AGPAT3: variants seen among roughly 807,000 people sequenced by gnomAD.
AGPAT3 encodes the protein 1-acylglycerol-3-phosphate O-acyltransferase 3.
AGPAT3 carries 5 observed loss-of-function variants against 47.3 expected under a neutral mutation model. The observed-to-expected ratio is 0.11, with a 90% CI of 0.06 to 0.22. The LOEUF is 0.22. AGPAT3 is among the 10% of genes least tolerant of loss of function. AGPAT3 has a pLI of 1.00. For synonymous variants in AGPAT3, 212 were observed against 208.3 expected (o/e 1.02, Z -0.15); for missense variants, 315 against 493.0 (o/e 0.64, Z 3.42).
chr21:43,914,451 A>T (rs2086687880), intron 2 of AGPAT3, among the ~76,000 whole-genome samples: 1 of 152,160 alleles, frequency 6.6e-6, no homozygotes, highest in South Asian at 2.1e-4. Flanking sequence ...GTTAGAGGTA[A>T]ATTTTAAAAA....
Position 43,930,674 on chromosome 21 carries a change from G to A in AGPAT3, c.-49+26655G>A, listed in dbSNP as rs946715014. Among the ~76,000 whole-genome samples, 9 of 152,154 alleles carry A rather than the reference G, an allele frequency of 5.9e-5. No individual in the cohort carries two copies. Among genetic ancestry groups the A allele is most frequent in the African/African-American group, 2.4e-5 (1 of 41,448 alleles). ...GATGAGGGGAAGGCGGGGATGAGGTGGGGGTGCACACCTGGGCTGAGGGGA... is the reference window on the plus strand; with the variant it reads ...GATGAGGGGAAGGCGGGGATGAGGTAGGGGTGCACACCTGGGCTGAGGGGA... On this transcript the variant is annotated intron_variant, in intron 2 of 9. Coordinates refer to ENST00000291572, the MANE Select transcript of AGPAT3 (RefSeq NM_020132.5). The surrounding 1 kb of genome is among the most constrained non-coding windows in gnomAD (Gnocchi z 5.0).
At chr21:43,886,733 T>C (rs2085987102) in intron 1 of AGPAT3, among the ~76,000 whole-genome samples, 1 of 152,218 alleles carries the variant, frequency 6.6e-6, no homozygotes, top group Non-Finnish European at 1.5e-5. Context: ...GCACTTAATA[T>C]AATGAGCTCC....
In AGPAT3 at chr21:43,956,147, G is replaced by A. The variant is rs1309648134; in HGVS notation, c.-48-3487G>A. Among the ~76,000 whole-genome samples the A allele has an allele frequency of 3.7e-4, 57 of 152,108 alleles. 1 individual carries two copies. The highest frequency in any genetic ancestry group is 3.3e-3 in the Admixed American group (51 of 15,272). ...GGGGCCAGGTGATGGGCTGCAGGGCGGCCCCCACCCTGTACAACTCAGGAT... is the reference window on the plus strand; with the variant it reads ...GGGGCCAGGTGATGGGCTGCAGGGCAGCCCCCACCCTGTACAACTCAGGAT... On this transcript the variant is annotated intron_variant, in intron 2 of 9. Transcript: ENST00000291572.
At position 43,871,132 on chromosome 21, in the gene AGPAT3, G is replaced by C. The variant is rs376311916; in HGVS notation, c.-112+5787G>C. Among the ~76,000 whole-genome samples, 2 of 152,216 alleles carry C rather than the reference G, an allele frequency of 1.3e-5. 1 individual carries two copies. Among genetic ancestry groups the C allele is most frequent in the South Asian group, 4.1e-4 (2 of 4,832 alleles). On this transcript the variant is annotated intron_variant, in intron 1 of 9. Transcript: ENST00000291572. The stretch of plus-strand genomic sequence containing the variant: ...GGGCTACTGTTTTTACAGTCTCTGG[G>C]CTACAGTATTTATTTCTTGAAACAA...
intron 2 of AGPAT3, among the ~76,000 whole-genome samples, chr21:43,938,560 C>CTGGG (rs1045847578): frequency 3.9e-5 from 6 of 152,244 alleles, no homozygotes; most frequent in Admixed American, 3.3e-4. Flanking sequence ...TCCCACAGTG[C>CTGGG]TGGGATTACA....
intron 7 of AGPAT3, among the ~76,000 whole-genome samples, chr21:43,975,403 T>A (rs1283908223): frequency 6.6e-6 from 1 of 151,794 alleles, no homozygotes; most frequent in African/African-American, 2.4e-5. Flanking sequence ...CACTGGTGTG[T>A]GGTGGGTGCT....
chr21:43,967,954 A>T lies in AGPAT3; in HGVS notation c.187A>T (p.Met63Leu). Reference protein sequence around the residue: ...LAYSLWSQLVMLLEWWSCTEC... With the variant: ...LAYSLWSQLVLLLEWWSCTEC... ...CCTCCCCCTGTCCGCAGAACTGGTC[A>T]TGCTGCTGGAGTGGTGGTCCTGCAC... The change falls in exon 4 of 10, where the codon ATG becomes TTG. Residue 63 changes from methionine (M) to leucine (L), a missense_variant. By Grantham distance (15) the Met-to-Leu change is conservative. Coordinates refer to ENST00000291572, the MANE Select transcript of AGPAT3 (RefSeq NM_020132.5). 6.2e-7 allele frequency: 1 copy of T among 1,613,982 alleles called. No individual in the cohort carries two copies. The highest frequency in any genetic ancestry group is 8.5e-7 in the Non-Finnish European group (1 of 1,179,948).
At chr21:43,947,196 T>C (rs1041569130) in intron 2 of AGPAT3, 1 of 152,436 alleles carries the variant, frequency 6.6e-6, no homozygotes, top group Non-Finnish European at 1.5e-5. Flanking sequence ...GTTTGCAGTT[T>C]ACACTGGCAG....
chr21:43,887,686 G>C (rs892868743), intron 1 of AGPAT3, among the ~76,000 whole-genome samples: 1 of 152,144 alleles, frequency 6.6e-6, no homozygotes, highest in Admixed American at 6.5e-5. Flanking sequence ...ACAGAGTTTC[G>C]CTCTGTCACG....
In AGPAT3 at chr21:43,934,395, A is replaced by G. The variant is rs1348736488; in HGVS notation, c.-48-25239A>G. Reference sequence around the variant, plus strand: ...CATAAGAGGCCACAGAGGCTCCGCAAGTCCCCAGGCCGTCGGCTGCCTGGC... The same window carrying G: ...CATAAGAGGCCACAGAGGCTCCGCAGGTCCCCAGGCCGTCGGCTGCCTGGC... On this transcript the variant is annotated intron_variant, in intron 2 of 9. Coordinates refer to ENST00000291572, the MANE Select transcript of AGPAT3 (RefSeq NM_020132.5). This position sits in a 1 kb window ranked among gnomAD's most constrained non-coding sequence, Gnocchi z 4.7. Among the ~76,000 whole-genome samples, 1 of 152,262 alleles carries G rather than the reference A, an allele frequency of 6.6e-6. No homozygotes were observed. The highest frequency in any genetic ancestry group is 1.5e-5 in the Non-Finnish European group (1 of 68,046).
chr21:43,962,204 GT>G (rs910386589), intron 3 of AGPAT3, among the ~76,000 whole-genome samples: 1 of 151,976 alleles, frequency 6.6e-6, no homozygotes, highest in Non-Finnish European at 1.5e-5. Context: ...GGGTTTCACT[GT>G]GTTAGCCAGG....
At chr21:43,971,772 G>A (rs1379955384) in intron 7 of AGPAT3, among the ~76,000 whole-genome samples, 1 of 152,240 alleles carries the variant, frequency 6.6e-6, no homozygotes, top group African/African-American at 2.4e-5. Flanking sequence ...TCATTCCTTT[G>A]GGGAAATCAT....
rs1221154214 is a variant in AGPAT3 at position 43,981,719 on chromosome 21, G to A, written c.1042+532G>A. Among the ~76,000 whole-genome samples the A allele has an allele frequency of 6.6e-6, 1 of 151,978 alleles. No individual in the cohort carries two copies. Among genetic ancestry groups the A allele is most frequent in the Non-Finnish European group, 1.5e-5 (1 of 67,984 alleles). On this transcript the variant is annotated intron_variant, in intron 9 of 9. Coordinates refer to ENST00000291572, the MANE Select transcript of AGPAT3 (RefSeq NM_020132.5). The surrounding 1 kb of genome is among the most constrained non-coding windows in gnomAD (Gnocchi z 5.3). ...GCGCCCACCCACACCCCGTAATTGAGGGGTCTCTGTCCGTGGAGACACAGT... is the reference window on the plus strand; with the variant it reads ...GCGCCCACCCACACCCCGTAATTGAAGGGTCTCTGTCCGTGGAGACACAGT...
In AGPAT3 at chr21:43,894,017, C is replaced by T. The variant is rs186815616; in HGVS notation, c.-111-9940C>T. On this transcript the variant is annotated intron_variant, in intron 1 of 9. Coordinates refer to ENST00000291572, the MANE Select transcript of AGPAT3 (RefSeq NM_020132.5). ...GATTCAGGGCTGCCACGAACCTTCA[C>T]GCTGCAAAAACTCAGTATCTGGAAG... Among the ~76,000 whole-genome samples, 62 of 152,276 alleles carry T rather than the reference C, an allele frequency of 4.1e-4. 1 individual carries two copies. The highest frequency in any genetic ancestry group is 1.1e-3 in the African/African-American group (46 of 41,558).
chr21:43,979,940 A>G (rs2089779837), intron 8 of AGPAT3, among the ~76,000 whole-genome samples: 1 of 152,198 alleles, frequency 6.6e-6, no homozygotes, highest in South Asian at 2.1e-4. Flanking sequence ...TAGAAAAAAT[A>G]TCTTGAAGCC....
At chr21:43,936,693 C>T (rs181907632) in intron 2 of AGPAT3, among the ~76,000 whole-genome samples, 1 of 152,368 alleles carries the variant, frequency 6.6e-6, no homozygotes, top group African/African-American at 2.4e-5. Context: ...AAAAACAAGA[C>T]ATCCTTTCCT....
chr21:43,900,463 C>T (rs1466870780), intron 1 of AGPAT3, among the ~76,000 whole-genome samples: 2 of 152,138 alleles, frequency 1.3e-5, no homozygotes, highest in Non-Finnish European at 2.9e-5. Context: ...CAGCGTGTCA[C>T]CTGCAGAGTC....
intron 7 of AGPAT3, among the ~76,000 whole-genome samples, chr21:43,972,255 C>T (rs2089429901): frequency 6.6e-6 from 1 of 152,168 alleles, no homozygotes. Context: ...AGCAATTCTC[C>T]TGTCTCAGCC....
chr21:43,927,969 T>C (rs565071656), intron 2 of AGPAT3, among the ~76,000 whole-genome samples: 109 of 152,312 alleles, frequency 7.2e-4, no homozygotes, highest in Non-Finnish European at 1.3e-3. Context: ...TGGAACTCTT[T>C]CTGTTGGTGT....
Sources: gnomAD v4.1 joint callset for allele counts (sites outside exome capture counted in the v4.1 genomes callset) on GRCh38, gnomAD v4.1.1 for gene constraint, Gnocchi (gnomAD v3.1) non-coding constraint, MANE v1.5 for transcripts, NCBI Gene and HGNC (gene_info 2026-07-23, HGNC 2026-07-21) for gene names.